Variants in CRADD observed in about 807,000 individuals in gnomAD.
CRADD encodes the protein CARD and death domain containing adaptor protein.
CRADD carries 9 observed loss-of-function variants against 15.5 expected under a neutral mutation model. The ratio of observed to expected loss-of-function variants is 0.58; its 90% CI spans 0.35 to 1.01. CRADD has a LOEUF of 1.01. Among genes scored for constraint, CRADD ranks in the 50% least tolerant of loss-of-function variants. The pLI is 0.02. For synonymous variants in CRADD, 118 were observed against 107.6 expected, an observed-to-expected ratio of 1.10 and a Z score of -0.60; for missense variants, 227 against 250.3, an observed-to-expected ratio of 0.91 and a Z score of 0.63.
chr12:93,750,105 T>C (rs905775332), intron 2 of CRADD, among the ~76,000 whole-genome samples: 5 of 152,176 alleles, frequency 3.3e-5, no homozygotes, highest in African/African-American at 9.7e-5. Flanking sequence ...ATGTTTGCAA[T>C]AGAAGCCTAA....
At chr12:93,873,528 A>G (rs796934197) in intron 2 of CRADD, among the ~76,000 whole-genome samples, 29 of 152,192 alleles carry the variant, frequency 1.9e-4, no homozygotes, top group African/African-American at 7.0e-4. Context: ...CACATTCAGT[A>G]TTATACTATC....
chr12:93,894,731 G>C (rs111405725), downstream of CRADD: 1 of 153,088 alleles, frequency 6.5e-6, no homozygotes, highest in Non-Finnish European at 1.5e-5. Context: ...CTGCCGGCCC[G>C]TGGTATTTGG....
At chr12:93,838,891 C>G (rs1402782690) in intron 2 of CRADD, among the ~76,000 whole-genome samples, 1 of 151,754 alleles carries the variant, frequency 6.6e-6, no homozygotes, top group African/African-American at 2.4e-5. Context: ...CCCCACCGAG[C>G]ACCTGGGACT....
chr12:93,794,238 G>T (rs752740213), intron 2 of CRADD, among the ~76,000 whole-genome samples: 18 of 152,194 alleles, frequency 1.2e-4, no homozygotes, highest in Admixed American at 3.3e-4. Flanking sequence ...TACTCTTTCT[G>T]AGTAATCTCA....
chr12:93,737,139 A>G (rs958105991), intron 2 of CRADD, among the ~76,000 whole-genome samples: 2 of 152,208 alleles, frequency 1.3e-5, no homozygotes, highest in Admixed American at 1.3e-4. Flanking sequence ...TTGCTATGTG[A>G]ACAAGGTTGC....
At chr12:93,880,672 G>GA (rs1325041662) in intron 2 of CRADD, among the ~76,000 whole-genome samples, 2 of 148,672 alleles carry the variant, frequency 1.3e-5, no homozygotes, top group East Asian at 4.1e-4. Context: ...ACCATGCTTC[G>GA]AAAGGACTGT....
chr12:93,778,012 A>G (rs1592981725), intron 2 of CRADD, among the ~76,000 whole-genome samples: 2 of 152,192 alleles, frequency 1.3e-5, no homozygotes, highest in East Asian at 1.9e-4. Context: ...TTGGGTGGCT[A>G]CTGCTTGTTT....
At chr12:93,765,281 T>C (rs1403689441) in intron 2 of CRADD, among the ~76,000 whole-genome samples, 1 of 152,124 alleles carries the variant, frequency 6.6e-6, no homozygotes, top group African/African-American at 2.4e-5. Flanking sequence ...GTTACTGGTT[T>C]TTTGTTTTTA....
chr12:93,804,700 T>C (rs1303648855), intron 2 of CRADD, among the ~76,000 whole-genome samples: 2 of 152,094 alleles, frequency 1.3e-5, no homozygotes, highest in Non-Finnish European at 2.9e-5. Context: ...ATTAGAGTCC[T>C]TCCAATTTAC....
chr12:93,697,530 T>C (rs1442307705), intron 2 of CRADD, among the ~76,000 whole-genome samples: 1 of 152,234 alleles, frequency 6.6e-6, no homozygotes, highest in African/African-American at 2.4e-5. Context: ...CTGCCAGTTT[T>C]CGTATTTCAA....
chr12:93,736,956 G>A (rs1956580803), intron 2 of CRADD, among the ~76,000 whole-genome samples: 1 of 152,216 alleles, frequency 6.6e-6, no homozygotes, highest in Non-Finnish European at 1.5e-5. Context: ...GGAACTTTGA[G>A]TTGAGCAAAC....
At chr12:93,757,100 AT>A (rs1482242500) in intron 2 of CRADD, among the ~76,000 whole-genome samples, 13 of 152,314 alleles carry the variant, frequency 8.5e-5, no homozygotes, top group African/African-American at 2.4e-4. Flanking sequence ...TTGTTGGAAA[AT>A]TTACTAAAAC....
At chr12:93,808,247 A>G (rs1438985642) in intron 2 of CRADD, among the ~76,000 whole-genome samples, 1 of 151,966 alleles carries the variant, frequency 6.6e-6, no homozygotes, top group East Asian at 1.9e-4. Flanking sequence ...TATAAAGGAG[A>G]GGTTTAATTG....
chr12:93,847,497 TGA>T (rs1491270106), intron 2 of CRADD, among the ~76,000 whole-genome samples: 1 of 74,864 alleles, frequency 1.3e-5, no homozygotes, highest in Non-Finnish European at 2.6e-5. Context: ...GAGCATTGCT[TGA>T]AAAAAAAAAA....
At position 93,850,133 on chromosome 12, in the gene CRADD, C is replaced by T; in HGVS notation, c.462C>T (p.His154=). 1 of 1,614,168 alleles carries T rather than the reference C, an allele frequency of 6.2e-7. No individual in the cohort carries two copies. The highest frequency in any genetic ancestry group is 8.5e-7 in the Non-Finnish European group (1 of 1,179,990). Residue 154 remains histidine, a synonymous_variant, in exon 3 of 3, where the codon CAC becomes CAT. Coordinates refer to ENST00000332896, the MANE Select transcript of CRADD (RefSeq NM_003805.5). The surrounding 1 kb of genome is among the most constrained non-coding windows in gnomAD (Gnocchi z 4.0). ...ACCGCTGTAAGGCCAACCACCCCCA[C>T]AACGTGCAGTCGCAGGTGGTGGAGG... ...DIYRCKANHP[H]NVQSQVVEAF...
intron 1 of CRADD, chr12:93,678,111 G>A (rs1387293641): frequency 6.6e-6 from 1 of 152,422 alleles, no homozygotes; most frequent in Non-Finnish European, 1.5e-5. Context: ...TGGAGATTCG[G>A]AATTCTTAGT....
chr12:93,696,285 T>G (rs1955704873), intron 2 of CRADD, among the ~76,000 whole-genome samples: 1 of 152,224 alleles, frequency 6.6e-6, no homozygotes, highest in Non-Finnish European at 1.5e-5. Context: ...AGCTACACTT[T>G]CATGTTCACT....
At chr12:93,684,079 C>T (rs1442639238) in intron 2 of CRADD, among the ~76,000 whole-genome samples, 1 of 152,126 alleles carries the variant, frequency 6.6e-6, no homozygotes, top group Non-Finnish European at 1.5e-5. Context: ...TTTTCATATA[C>T]TTCCTAAGGA....
At chr12:93,753,057 G>A (rs746651850) in intron 2 of CRADD, among the ~76,000 whole-genome samples, 18 of 151,158 alleles carry the variant, frequency 1.2e-4, no homozygotes, top group Non-Finnish European at 2.2e-4. Flanking sequence ...TTCTTCCCAC[G>A]ACATGTGGGA....
Sources: allele counts gnomAD v4.1 joint callset (sites outside exome capture counted in the v4.1 genomes callset), GRCh38; gene constraint gnomAD v4.1.1; non-coding constraint Gnocchi (gnomAD v3.1); transcripts MANE v1.5; gene names NCBI Gene and HGNC (gene_info 2026-07-23, HGNC 2026-07-21).